Variants in TRAPPC9 observed in about 807,000 individuals in gnomAD.
TRAPPC9 encodes trafficking protein particle complex subunit 9.
A neutral mutation model predicts 124.0 loss-of-function variants in TRAPPC9; 83 were observed. That is an observed-to-expected ratio of 0.67 (90% CI 0.56 to 0.80). The LOEUF (loss-of-function observed/expected upper bound fraction) is 0.80, where lower values mean the gene tolerates loss of function less well. Ranked by LOEUF, TRAPPC9 falls within the 30% of genes least tolerant of loss-of-function variation. The pLI is 0.00. For synonymous variants in TRAPPC9, 638 were observed against 617.5 expected (o/e 1.03, Z -0.49); for missense variants, 1,302 against 1,508.3 (o/e 0.86, Z 2.27).
rs1837108151 is a variant in TRAPPC9, at chr8:139,984,430, T to C, written c.2810+4296A>G. Among the ~76,000 whole-genome samples, 1 of 151,236 alleles carries C rather than the reference T, an allele frequency of 6.6e-6. No homozygotes were observed. Among genetic ancestry groups the C allele is most frequent in the African/African-American group, 2.4e-5 (1 of 41,140 alleles). On this transcript the variant is annotated intron_variant, in intron 19 of 22. Coordinates refer to ENST00000438773, the MANE Select transcript of TRAPPC9 (RefSeq NM_001160372.4). The surrounding 1 kb of genome is among the most constrained non-coding windows in gnomAD (Gnocchi z 4.3). ...AGATCGCAGGCAAAAGAAGCTTCTT[T>C]AGGTTTAGCACAGCCTGGGGGTGGG... is the stretch of plus-strand genomic sequence containing the variant.
chr8:139,883,415 T>C (rs1829799741), intron 21 of TRAPPC9, among the ~76,000 whole-genome samples: 2 of 152,204 alleles, frequency 1.3e-5, no homozygotes, highest in Admixed American at 6.5e-5. Flanking sequence ...GGGCAAGAAA[T>C]GGAAGCAGCA....
rs560846246 is a variant in TRAPPC9, at chr8:139,855,471, C to T, written c.3055+30408G>A. Among the ~76,000 whole-genome samples the T allele has an allele frequency of 5.8e-4, 88 of 152,308 alleles. 2 individuals are homozygous for T. The highest frequency in any genetic ancestry group is 4.4e-3 in the South Asian group (21 of 4,818). On this transcript the variant is annotated intron_variant, in intron 21 of 22. Transcript: ENST00000438773. ...CGGCATCATCAACATGGCAGGTCCACGTGGAGACCCGAGAGGATAAAAAGA... is the reference window on the plus strand; with the variant it reads ...CGGCATCATCAACATGGCAGGTCCATGTGGAGACCCGAGAGGATAAAAAGA...
intron 21 of TRAPPC9, among the ~76,000 whole-genome samples, chr8:139,794,017 G>A (rs370159012): frequency 9.9e-5 from 15 of 151,688 alleles, no homozygotes; most frequent in East Asian, 3.9e-4. Flanking sequence ...GCTCCTCCCC[G>A]TCACCCCTGC....
intron 9 of TRAPPC9, among the ~76,000 whole-genome samples, chr8:140,332,999 G>A (rs2066934162): frequency 1.3e-5 from 2 of 152,062 alleles, no homozygotes; most frequent in Non-Finnish European, 2.9e-5. Flanking sequence ...AGTGGCACAT[G>A]CCAGTAGTCC....
At chr8:140,255,578 C>A (rs915532082) in intron 15 of TRAPPC9, among the ~76,000 whole-genome samples, 2 of 152,212 alleles carry the variant, frequency 1.3e-5, no homozygotes, top group Admixed American at 1.3e-4. Flanking sequence ...TGAATCCCTA[C>A]ATTCAGATGA....
chr8:139,825,046 T>C lies in TRAPPC9; in HGVS notation c.3055+60833A>G, dbSNP rs1022983173. ...CCCCTCACAGAGCGCCAAAAGGACC[T>C]CTCATTCCACAGAGAACACTCAGGG... On this transcript the variant is annotated intron_variant, in intron 21 of 22. Coordinates refer to ENST00000438773, the MANE Select transcript of TRAPPC9 (RefSeq NM_001160372.4). The surrounding 1 kb of genome is among the most constrained non-coding windows in gnomAD (Gnocchi z 4.6). Among the ~76,000 whole-genome samples, 8 of 151,990 alleles carry C rather than the reference T, an allele frequency of 5.3e-5. No homozygotes were observed. The highest frequency in any genetic ancestry group is 4.4e-5 in the Non-Finnish European group (3 of 68,006).
In TRAPPC9 at chr8:140,257,713, T is replaced by C. The variant is rs944802949; in HGVS notation, c.2279-4784A>G. ...ACCTTCTCTGCCTGGCTGGATTTTC[T>C]AGAGCTTTTTAATACCCAGGTCCAG... On this transcript the variant is annotated intron_variant, in intron 15 of 22. Coordinates refer to ENST00000438773, the MANE Select transcript of TRAPPC9 (RefSeq NM_001160372.4). The surrounding 1 kb of genome is among the most constrained non-coding windows in gnomAD (Gnocchi z 4.6). Among the ~76,000 whole-genome samples the C allele has an allele frequency of 2.0e-5, 3 of 152,224 alleles. No individual in the cohort carries two copies. The highest frequency in any genetic ancestry group is 4.4e-5 in the Non-Finnish European group (3 of 68,046).
chr8:139,885,366 GCATTTACAAACCAAA>G (rs1416341777), intron 21 of TRAPPC9, among the ~76,000 whole-genome samples: 3 of 152,288 alleles, frequency 2.0e-5, no homozygotes, highest in Non-Finnish European at 4.4e-5. Context: ...TTGAGTTGAG[GCATTTACAAACCAAA>G]CAATTTTCCA....
intron 7 of TRAPPC9, among the ~76,000 whole-genome samples, chr8:140,373,318 G>A (rs551707188): frequency 2.0e-5 from 3 of 152,328 alleles, no homozygotes; most frequent in Admixed American, 6.5e-5. Context: ...GGGTGGAAGC[G>A]TATGAGGCAG....
chr8:139,938,507 G>A (rs530581914), intron 19 of TRAPPC9, among the ~76,000 whole-genome samples: 16 of 152,018 alleles, frequency 1.1e-4, no homozygotes, highest in African/African-American at 2.9e-4. Context: ...GGATGGTCTC[G>A]ATCTCCTGAC....
chr8:139,743,342 CAG>C (rs777363523), intron 21 of TRAPPC9, among the ~76,000 whole-genome samples: 1 of 152,208 alleles, frequency 6.6e-6, no homozygotes, highest in African/African-American at 2.4e-5. Context: ...TGGCGAGAAA[CAG>C]GGGACTAAGT....
rs1006779111 is a variant in TRAPPC9 at position 139,776,677 on chromosome 8, C to T, written c.3056-44475G>A. 4.0e-5 allele frequency among the ~76,000 whole-genome samples: 6 copies of T among 151,760 alleles called. No individual in the cohort carries two copies. Among genetic ancestry groups the T allele is most frequent in the African/African-American group, 2.4e-5 (1 of 41,304 alleles). Reference sequence around the variant, plus strand: ...ACGTGTGTGTCTGTGTGTGTGTGCGCACACACACACAGAAAGGCACATGTG... The same window carrying T: ...ACGTGTGTGTCTGTGTGTGTGTGCGTACACACACACAGAAAGGCACATGTG... On this transcript the variant is annotated intron_variant, in intron 21 of 22. Transcript: ENST00000438773. This position sits in a 1 kb window ranked among gnomAD's most constrained non-coding sequence, Gnocchi z 4.1.
upstream of TRAPPC9, chr8:140,457,871 G>T: frequency 9.3e-7 from 1 of 1,073,470 alleles, no homozygotes; most frequent in South Asian, 2.2e-5. Context: ...AGAGGAAGGA[G>T]GAGCGAGGGA....
intron 20 of TRAPPC9, among the ~76,000 whole-genome samples, chr8:139,891,113 G>A (rs1830319563): frequency 6.6e-6 from 1 of 152,186 alleles, no homozygotes; most frequent in Admixed American, 6.5e-5. Flanking sequence ...TGGCTGGGAA[G>A]GTTTGTGTCT....
At chr8:140,098,831 T>C (rs1399083156) in intron 17 of TRAPPC9, 1 of 147,000 alleles carries the variant, frequency 6.8e-6, no homozygotes, top group Non-Finnish European at 1.5e-5. Flanking sequence ...ACCAGCTAGA[T>C]GTAAGTGCGC....
chr8:140,366,680 A>C (rs551647680), intron 8 of TRAPPC9, among the ~76,000 whole-genome samples: 27 of 152,370 alleles, frequency 1.8e-4, no homozygotes, highest in Admixed American at 1.6e-3. Context: ...TTATATCTTT[A>C]GATAAAACAC....
chr8:139,858,991 C>A (rs2130968983), intron 21 of TRAPPC9, among the ~76,000 whole-genome samples: 1 of 150,630 alleles, frequency 6.6e-6, no homozygotes, highest in South Asian at 2.2e-4. Flanking sequence ...TCAGATATCT[C>A]TGAGATGTCA....
chr8:140,171,882 G>T (rs1391976257), intron 17 of TRAPPC9, among the ~76,000 whole-genome samples: 2 of 152,166 alleles, frequency 1.3e-5, no homozygotes, highest in African/African-American at 2.4e-5. Flanking sequence ...ATCACCGAGG[G>T]TGCTAGGGGT....
At chr8:140,058,244 G>T (rs1842401899) in intron 17 of TRAPPC9, among the ~76,000 whole-genome samples, 3 of 152,078 alleles carry the variant, frequency 2.0e-5, no homozygotes, top group African/African-American at 4.8e-5. Flanking sequence ...AGGGGTGGGT[G>T]GGGGAGGAGG....
Sources: allele counts gnomAD v4.1 joint callset (sites outside exome capture counted in the v4.1 genomes callset), GRCh38; gene constraint gnomAD v4.1.1; non-coding constraint Gnocchi (gnomAD v3.1); transcripts MANE v1.5; gene names NCBI Gene and HGNC (gene_info 2026-07-23, HGNC 2026-07-21).